Variants in RHOT1 observed in about 807,000 individuals in gnomAD.
RHOT1 encodes ras homolog family member T1, also known as mitochondrial Rho GTPase 1.
A neutral mutation model predicts 95.3 loss-of-function variants in RHOT1; 27 were observed. The ratio of observed to expected loss-of-function variants is 0.28; its 90% CI spans 0.21 to 0.39. The LOEUF is 0.39. RHOT1 is among the 10% of genes least tolerant of loss of function. The probability of loss-of-function intolerance (pLI) is 1.00; values close to 1 mark genes in which losing one functional copy is unlikely to be tolerated. For synonymous variants in RHOT1, 227 were observed against 263.5 expected, an observed-to-expected ratio of 0.86 and a Z score of 1.34; for missense variants, 578 against 786.7, an observed-to-expected ratio of 0.73 and a Z score of 3.17.
intron 10 of RHOT1, among the ~76,000 whole-genome samples, chr17:32,193,731 G>A (rs1463867281): frequency 3.9e-5 from 6 of 152,180 alleles, no homozygotes; most frequent in Non-Finnish European, 8.8e-5. Context: ...ATAACTTTGT[G>A]CATGTCAGTA....
intron 16 of RHOT1, among the ~76,000 whole-genome samples, chr17:32,205,382 T>C (rs1485712426): frequency 6.6e-6 from 1 of 152,172 alleles, no homozygotes; most frequent in African/African-American, 2.4e-5. Context: ...ACTTCTATTT[T>C]TTTAAAAAAA....
At chr17:32,163,033 G>A (rs545845736) in intron 1 of RHOT1, among the ~76,000 whole-genome samples, 124 of 152,236 alleles carry the variant, frequency 8.1e-4, no homozygotes, top group Non-Finnish European at 1.6e-3. Flanking sequence ...GTGGGGGATA[G>A]TGGGAAATGA....
At chr17:32,186,422 G>A (rs1025538289) in intron 8 of RHOT1, among the ~76,000 whole-genome samples, 2 of 149,104 alleles carry the variant, frequency 1.3e-5, no homozygotes, top group Non-Finnish European at 3.0e-5. Flanking sequence ...GGAGTCCAGT[G>A]GCACAATCTC....
chr17:32,223,623 C>T (rs775867343), intron 19 of RHOT1, among the ~76,000 whole-genome samples: 1 of 152,008 alleles, frequency 6.6e-6, no homozygotes, highest in Non-Finnish European at 1.5e-5. Flanking sequence ...CCATGTTGGC[C>T]AGGCCAGTCT....
chr17:32,196,052 A>G (rs1464642302), intron 11 of RHOT1, among the ~76,000 whole-genome samples: 1 of 152,024 alleles, frequency 6.6e-6, no homozygotes, highest in Non-Finnish European at 1.5e-5. Context: ...GAGCTACTAC[A>G]CGAATATTTC....
chr17:32,214,601 A>G (rs560246587), intron 19 of RHOT1, among the ~76,000 whole-genome samples: 44 of 152,174 alleles, frequency 2.9e-4, no homozygotes, highest in African/African-American at 1.1e-3. Flanking sequence ...AAATTTGAAA[A>G]AGTTATTGGG....
chr17:32,175,838 T>C, intron 4 of RHOT1, 124 bp from the exon 5 acceptor site: 2 of 598,222 alleles, frequency 3.3e-6, no homozygotes. Context: ...CTTTTTTTGT[T>C]TTTTTGTTTT....
intron 1 of RHOT1, among the ~76,000 whole-genome samples, chr17:32,170,323 G>C (rs557263213): frequency 2.0e-5 from 3 of 152,000 alleles, no homozygotes. Context: ...GCTAAGGCAC[G>C]AGAATCGCAT....
chr17:32,151,254 A>T, intron 1 of RHOT1: 1 of 706,790 alleles, frequency 1.4e-6, no homozygotes, highest in Non-Finnish European at 2.7e-6. Flanking sequence ...TGGCGGGTGA[A>T]TGAAGTACAT....
chr17:32,173,588 C>T (rs2034748998), intron 2 of RHOT1, among the ~76,000 whole-genome samples: 1 of 151,910 alleles, frequency 6.6e-6, no homozygotes, highest in Non-Finnish European at 1.5e-5. Flanking sequence ...TGGTAGGCGC[C>T]TGTAATCCCA....
intron 11 of RHOT1, among the ~76,000 whole-genome samples, chr17:32,196,048 C>T (rs1598413773): frequency 6.6e-6 from 1 of 152,124 alleles, no homozygotes; most frequent in Non-Finnish European, 1.5e-5. Flanking sequence ...CCTGGAGCTA[C>T]TACACGAATA....
intron 8 of RHOT1, among the ~76,000 whole-genome samples, chr17:32,187,087 G>C (rs1007235128): frequency 2.0e-5 from 3 of 151,986 alleles, no homozygotes; most frequent in Admixed American, 6.5e-5. Context: ...AGGAGTTCGA[G>C]ACCAGCGTGG....
In RHOT1 at chr17:32,203,921, CCTA is replaced by C. The variant is rs759066884; in HGVS notation, c.1368_1370del (p.Tyr457del). The C allele has an allele frequency of 6.2e-7, 1 of 1,612,944 alleles. No homozygotes were observed. The highest frequency in any genetic ancestry group is 8.5e-7 in the Non-Finnish European group (1 of 1,179,530). On this transcript the variant is annotated inframe_deletion, in exon 16 of 20. Coordinates refer to ENST00000545287, the MANE Select transcript of RHOT1 (RefSeq NM_001033566.3). ...AAGAAAATTCGTGAAGATCATAAAT[CCTA>C]CTATGCGATTAACACTGTTTATGTA...
rs1243065755 is a variant in RHOT1, at chr17:32,224,742, G to C, written c.*9G>C. The C allele has an allele frequency of 6.5e-7, 1 of 1,533,754 alleles. No individual in the cohort carries two copies. The highest frequency in any genetic ancestry group is 9.0e-7 in the Non-Finnish European group (1 of 1,109,758). The stretch of plus-strand genomic sequence containing the variant: ...TATTGAAACAGCGATGATATAAAAA[G>C]AAATACTGTCCCTACCAAAAACAAA... On this transcript the variant is annotated 3_prime_UTR_variant, in exon 20 of 20. Transcript: ENST00000545287.
At position 32,142,774 on chromosome 17, in the gene RHOT1, TGCCCCTGCAGCCCCTGTCGCCCCTGTC is replaced by T. The variant is rs756831753; in HGVS notation, c.37+60_37+86del. ...CCGGCCCCTGAGTCCCTGCCCTCCC[TGCCCCTGCAGCCCCTGTCGCCCCTGTC>T]GCCCCTGCAGCCCCAACCTTTGCAG... On this transcript the variant is annotated intron_variant, in intron 1 of 19. Transcript: ENST00000545287. The T allele has an allele frequency of 1.9e-4, 270 of 1,454,856 alleles. 1 individual carries two copies. The African/African-American group carries it at 3.1e-3, about 17-fold the overall frequency. The allele number at this position is 1,454,856 out of a possible 1,614,324, so 90.1% of individuals were successfully genotyped here.
chr17:32,210,426 C>G (rs1299579663), intron 18 of RHOT1, among the ~76,000 whole-genome samples: 1 of 152,152 alleles, frequency 6.6e-6, no homozygotes, highest in Non-Finnish European at 1.5e-5. Context: ...CAATTGGATC[C>G]ATTGTTGATT....
chr17:32,211,424 A>G (rs889218965), intron 19 of RHOT1, 186 bp downstream of exon 19: 20 of 430,234 alleles, frequency 4.6e-5, no homozygotes, highest in African/African-American at 3.0e-4. Context: ...ATGTTTTTAA[A>G]TTAATAGGTA....
chr17:32,201,161 A>G lies in RHOT1; in HGVS notation c.1201+105A>G, dbSNP rs1016407526. The G allele has an allele frequency of 5.4e-5, 33 of 612,896 alleles. No individual in the cohort carries two copies. In the South Asian group the frequency reaches 5.7e-4, roughly 11 times the overall value. 38.0% of individuals were successfully genotyped at this position (612,896 alleles called of 1,614,324 possible). On this transcript the variant is annotated intron_variant, in intron 14 of 19. Coordinates refer to ENST00000545287, the MANE Select transcript of RHOT1 (RefSeq NM_001033566.3). ...ATACACTCATCTTCATTAGTCTTCC[A>G]TCTACACTCTATTAGTTTTCCTTGT...
At chr17:32,169,640 T>C (rs934735844) in intron 1 of RHOT1, among the ~76,000 whole-genome samples, 2 of 152,214 alleles carry the variant, frequency 1.3e-5, no homozygotes, top group African/African-American at 4.8e-5. Context: ...AAAAAGATCT[T>C]GTGCACTAAC....
Sources: gnomAD v4.1 joint callset for allele counts (sites outside exome capture counted in the v4.1 genomes callset) on GRCh38, gnomAD v4.1.1 for gene constraint, MANE v1.5 for transcripts, NCBI Gene and HGNC (gene_info 2026-07-23, HGNC 2026-07-21) for gene names.